Variants in ACOT1 observed in about 807,000 individuals in gnomAD.
The protein encoded by ACOT1 is acyl-CoA thioesterase 1, also known as acyl-coenzyme A thioesterase 1.
In ACOT1, 8 loss-of-function variants were observed where a neutral mutation model predicts 15.7. The ratio of observed to expected loss-of-function variants is 0.51; its 90% CI spans 0.30 to 0.92. The LOEUF (loss-of-function observed/expected upper bound fraction) is 0.92. ACOT1 is among the 40% of genes least tolerant of loss of function. The pLI is 0.06. For missense variants in ACOT1, 151 were observed against 539.4 expected, an observed-to-expected ratio of 0.28 and a Z score of 7.13; for synonymous variants, 67 against 241.2, an observed-to-expected ratio of 0.28 and a Z score of 6.69.
intron 1 of ACOT1, among the ~76,000 whole-genome samples, chr14:73,540,787 A>G (rs1595156296): frequency 1.0e-5 from 1 of 97,848 alleles, no homozygotes; most frequent in South Asian, 3.1e-4. Context: ...TCTTTCGCCC[A>G]GGCTGGAGTA....
At chr14:73,501,559 GTCTC>G in the ACOT1 span, among the ~76,000 whole-genome samples, 4 of 141,872 alleles carry the variant, frequency 2.8e-5, no homozygotes, top group South Asian at 2.3e-4. Flanking sequence ...CTCCTATGCA[GTCTC>G]TCTCTCTTTT....
the ACOT1 span, among the ~76,000 whole-genome samples, chr14:73,504,008 G>A: frequency 6.6e-6 from 1 of 151,838 alleles, no homozygotes; most frequent in Non-Finnish European, 1.5e-5. Flanking sequence ...TGAATTGGAA[G>A]TTGTTAAAAT....
At chr14:73,532,336 A>G (rs1272776403), upstream of ACOT1, among the ~76,000 whole-genome samples, 6 of 115,472 alleles carry the variant, frequency 5.2e-5, 1 homozygote, top group African/African-American at 1.4e-4. Context: ...TTACAAGGAG[A>G]CTCTTCAATC....
At chr14:73,518,695 A>ATGCACTTTCCCTGTTAGG in the ACOT1 span, among the ~76,000 whole-genome samples, 1 of 152,100 alleles carries the variant, frequency 6.6e-6, no homozygotes. Flanking sequence ...CAGGAGTTTG[A>ATGCACTTTCCCTGTTAGG]TGCACTTTCC....
At chr14:73,509,540 C>T in the ACOT1 span, 1 of 1,563,632 alleles carries the variant, frequency 6.4e-7, no homozygotes, top group Non-Finnish European at 8.8e-7. Context: ...AGCTTCCTTC[C>T]TACAGCCATG....
At chr14:73,498,942 A>G in the ACOT1 span, 462 of 766,186 alleles carry the variant, frequency 6.0e-4, 2 homozygotes, top group South Asian at 7.2e-3. Context: ...CAGACAAGGA[A>G]CTTCTGAAAA....
Position 73,541,950 on chromosome 14 carries a change from A to G in ACOT1, c.660+255A>G, listed in dbSNP as rs1263215468. On this transcript the variant is annotated intron_variant, in intron 2 of 2. Transcript: ENST00000311148. ...GGCTCACTGCAACCTCCACCTCCCA[A>G]GTTCAAGTGATTCTTGTGCCCCAGC... is the stretch of plus-strand genomic sequence containing the variant. Among the ~76,000 whole-genome samples the G allele has an allele frequency of 4.5e-5, 5 of 111,466 alleles. 2 individuals are homozygous for G. Among genetic ancestry groups the G allele is most frequent in the African/African-American group, 1.5e-4 (5 of 33,358 alleles). 73.1% of individuals were successfully genotyped at this position (111,466 alleles called of 152,430 possible).
At chr14:73,499,438 C>T in the ACOT1 span, among the ~76,000 whole-genome samples, 1 of 152,052 alleles carries the variant, frequency 6.6e-6, no homozygotes, top group Non-Finnish European at 1.5e-5. Flanking sequence ...TGAGATCGTG[C>T]CACTGTACTC....
At chr14:73,515,334 A>G in the ACOT1 span, among the ~76,000 whole-genome samples, 4 of 152,300 alleles carry the variant, frequency 2.6e-5, no homozygotes, top group East Asian at 5.8e-4. Context: ...CTCTGAATCA[A>G]TTCTTTCCTT....
At chr14:73,491,474 C>G in the ACOT1 span, 1 of 1,491,946 alleles carries the variant, frequency 6.7e-7, no homozygotes, top group African/African-American at 1.4e-5. Context: ...GTGCACCGCG[C>G]AACACTTAGC....
At chr14:73,522,542 G>T in the ACOT1 span, 1 of 1,614,162 alleles carries the variant, frequency 6.2e-7, no homozygotes, top group Non-Finnish European at 8.5e-7. Flanking sequence ...CAGCACAGTG[G>T]CCTCCCACGC....
At chr14:73,513,019 A>G in the ACOT1 span, among the ~76,000 whole-genome samples, 1 of 152,340 alleles carries the variant, frequency 6.6e-6, no homozygotes, top group South Asian at 2.1e-4. Flanking sequence ...AAGGCAAAGT[A>G]GGTATAGGAT....
chr14:73,524,308 A>ATAT, the ACOT1 span, among the ~76,000 whole-genome samples: 193 of 83,412 alleles, frequency 2.3e-3, no homozygotes, highest in Middle Eastern at 7.1e-3. Context: ...AAAAAAAAAA[A>ATAT]AAATATATAT....
At chr14:73,503,603 C>G in the ACOT1 span, among the ~76,000 whole-genome samples, 9 of 152,102 alleles carry the variant, frequency 5.9e-5, no homozygotes, top group Non-Finnish European at 1.2e-4. Context: ...TAGGATTTAC[C>G]TCAAAAGCAT....
the ACOT1 span, chr14:73,527,512 G>A: frequency 3.3e-5 from 5 of 150,782 alleles, no homozygotes; most frequent in African/African-American, 1.2e-4. Context: ...CCATTCTTTT[G>A]TTTCTTTACT....
chr14:73,511,866 GT>G, the ACOT1 span: 1 of 891,226 alleles, frequency 1.1e-6, no homozygotes, highest in Non-Finnish European at 1.7e-6. Context: ...TGATAAGCAT[GT>G]ATATATAGGC....
At chr14:73,500,814 A>G in the ACOT1 span, 3 of 1,336,896 alleles carry the variant, frequency 2.2e-6, no homozygotes, top group Non-Finnish European at 3.1e-6. Flanking sequence ...CTCATGATAA[A>G]ATCCGGGTTC....
chr14:73,492,854 T>G, the ACOT1 span: 1 of 1,613,952 alleles, frequency 6.2e-7, no homozygotes, highest in Non-Finnish European at 8.5e-7. The surrounding 1 kb of genome is among the most constrained non-coding windows in gnomAD (Gnocchi z 4.9). Flanking sequence ...GGACCTGCCC[T>G]GTGACAGTGT....
the ACOT1 span, among the ~76,000 whole-genome samples, chr14:73,510,442 G>T: frequency 6.8e-6 from 1 of 146,766 alleles, no homozygotes; most frequent in Non-Finnish European, 1.5e-5. Flanking sequence ...TTTTGTTTTT[G>T]TTTTTTTTTT....
Sources: allele counts gnomAD v4.1 joint callset (sites outside exome capture counted in the v4.1 genomes callset), GRCh38; gene constraint gnomAD v4.1.1; non-coding constraint Gnocchi (gnomAD v3.1); transcripts MANE v1.5; gene names NCBI Gene and HGNC (gene_info 2026-07-23, HGNC 2026-07-21).